ATIC: variants seen among roughly 807,000 people sequenced by gnomAD.
ATIC encodes the protein bifunctional purine biosynthesis protein ATIC.
A neutral mutation model predicts 72.5 loss-of-function variants in ATIC; 64 were observed. The observed-to-expected ratio is 0.88, with a 90% CI of 0.72 to 1.09. The LOEUF (loss-of-function observed/expected upper bound fraction) is 1.09, where lower values mean the gene tolerates loss of function less well. Among genes scored for constraint, ATIC ranks in the 50% least tolerant of loss-of-function variants. The pLI is 0.00. For synonymous variants in ATIC, 281 were observed against 267.1 expected (o/e 1.05, Z -0.51); for missense variants, 787 against 732.4 (o/e 1.07, Z -0.86).
the ATIC span, among the ~76,000 whole-genome samples, chr2:215,356,208 A>C: frequency 6.6e-6 from 1 of 152,330 alleles, no homozygotes; most frequent in African/African-American, 2.4e-5. Flanking sequence ...TGTTTCAAAA[A>C]GATGCTGATT....
chr2:215,336,261 A>T (rs2052953753), intron 11 of ATIC, 137 bp downstream of exon 11: 3 of 705,530 alleles, frequency 4.3e-6, no homozygotes, highest in African/African-American at 1.8e-5. Context: ...TCCTGCATTT[A>T]AAAAAATACT....
At chr2:215,346,326 T>A (rs1271242310) in intron 13 of ATIC, among the ~76,000 whole-genome samples, 1 of 152,132 alleles carries the variant, frequency 6.6e-6, no homozygotes, top group African/African-American at 2.4e-5. Flanking sequence ...TACCCCTAGC[T>A]ATTTTTTAAT....
chr2:215,326,075 G>T lies in ATIC; in HGVS notation c.468G>T (p.Thr156=), dbSNP rs199801475. 5.5e-5 allele frequency: 89 copies of T among 1,614,148 alleles called. No homozygotes were observed. The East Asian group carries it at 2.0e-3, about 36-fold the overall frequency. Residue 156 remains threonine, a synonymous_variant, in exon 6 of 16, where the codon ACG becomes ACT. Transcript: ENST00000236959. ...CEPEDYVVVS[T]EMQSSESKDT... ...CAGAGGACTATGTGGTGGTGTCCAC[G>T]GAGATGCAGAGCTCCGAGAGTAAGG... is the stretch of plus-strand genomic sequence containing the variant.
the ATIC span, chr2:215,361,141 T>C: frequency 5.0e-6 from 1 of 199,852 alleles, no homozygotes; most frequent in Non-Finnish European, 1.0e-5. Flanking sequence ...ATCATGCTTG[T>C]TCCTACAGTA....
At chr2:215,330,265 C>A (rs1412541549) in intron 7 of ATIC, among the ~76,000 whole-genome samples, 1 of 152,104 alleles carries the variant, frequency 6.6e-6, no homozygotes, top group Non-Finnish European at 1.5e-5. Flanking sequence ...TTCTTCTGTG[C>A]CTCTCGCATA....
chr2:215,312,670 C>A, intron 2 of ATIC, 46 bp downstream of exon 2: 1 of 1,613,836 alleles, frequency 6.2e-7, no homozygotes, highest in Non-Finnish European at 8.5e-7. Flanking sequence ...ATCACATTAA[C>A]CAGGAAGTAT....
At chr2:215,336,734 A>G (rs1021374962) in intron 11 of ATIC, among the ~76,000 whole-genome samples, 2 of 152,176 alleles carry the variant, frequency 1.3e-5, no homozygotes, top group Non-Finnish European at 2.9e-5. Flanking sequence ...ATCTTTAGCT[A>G]CTACAAATAC....
At position 215,346,794 on chromosome 2, in the gene ATIC, A is replaced by G. The variant is rs1356240955; in HGVS notation, c.1356A>G (p.Ile452Met). 5 of 1,614,058 alleles carry G rather than the reference A, an allele frequency of 3.1e-6. No homozygotes were observed. The African/African-American group carries it at 6.7e-5, about 22-fold the overall frequency. The change falls in exon 14 of 16, where the codon ATA becomes ATG. Residue 452 changes from isoleucine (I) to methionine (M), a missense_variant. Transcript: ENST00000236959. Reference protein sequence around the residue: ...IGIGAGQQSRIHCTRLAGDKA... With the variant: ...IGIGAGQQSRMHCTRLAGDKA... ...TTGGAGCAGGACAGCAGTCTCGTAT[A>G]CACTGCACTCGCCTTGCAGGAGATA... is the stretch of plus-strand genomic sequence containing the variant.
Position 215,318,234 on chromosome 2 carries a change from G to A in ATIC, c.223+1G>A, listed in dbSNP as rs753761573. On this transcript the variant is annotated splice_donor_variant, in intron 3 of 15. Transcript: ENST00000236959. LOFTEE classifies it high-confidence loss of function. ...ACTTTGCATCCTGCAGTCCATGCTG[G>A]TAAGTGGTTGGTATCTTTAATGTAA... 19 of 1,612,528 alleles carry A rather than the reference G, an allele frequency of 1.2e-5. No individual in the cohort carries two copies. The highest frequency in any genetic ancestry group is 1.6e-4 in the Middle Eastern group (1 of 6,084).
At chr2:215,339,942 AT>A (rs560028444) in intron 12 of ATIC, among the ~76,000 whole-genome samples, 4 of 151,030 alleles carry the variant, frequency 2.6e-5, no homozygotes, top group Non-Finnish European at 4.4e-5. Context: ...AGCCTTTATT[AT>A]TTTTTTTAAG....
chr2:215,317,525 G>A (rs756646227), intron 2 of ATIC, among the ~76,000 whole-genome samples: 2 of 152,024 alleles, frequency 1.3e-5, no homozygotes, highest in East Asian at 1.9e-4. Context: ...TTGCTCTGTC[G>A]CCCAGGCTGG....
the ATIC span, chr2:215,365,639 G>A: frequency 6.2e-7 from 1 of 1,613,864 alleles, no homozygotes; most frequent in South Asian, 1.1e-5. Flanking sequence ...TCCTGTAGGG[G>A]TGGGGAAAGT....
At chr2:215,318,628 C>T (rs1284341996) in intron 3 of ATIC, among the ~76,000 whole-genome samples, 4 of 152,090 alleles carry the variant, frequency 2.6e-5, no homozygotes, top group Middle Eastern at 3.4e-3. Flanking sequence ...TACATTTGTT[C>T]GTTCACCTAA....
the ATIC span, among the ~76,000 whole-genome samples, chr2:215,365,979 T>C: frequency 6.9e-6 from 1 of 143,936 alleles, no homozygotes; most frequent in South Asian, 2.2e-4. Flanking sequence ...TTTTTTTTTT[T>C]TTTTTTTTTT....
chr2:215,357,926 T>C, the ATIC span, among the ~76,000 whole-genome samples: 5 of 152,018 alleles, frequency 3.3e-5, no homozygotes, highest in African/African-American at 1.2e-4. Context: ...ACATTCCCTA[T>C]CACAGTAATG....
chr2:215,346,771 G>C lies in ATIC; in HGVS notation c.1333G>C (p.Gly445Arg). The change falls in exon 14 of 16, where the codon GGA becomes CGA. Residue 445 changes from glycine (G) to arginine (R), a missense_variant. Gly to Arg is a moderately radical substitution (Grantham distance 125, BLOSUM62 -2). Coordinates refer to ENST00000236959, the MANE Select transcript of ATIC (RefSeq NM_004044.7). ...CTGTGTTCCTCAGGTTATCGGCATT[G>C]GAGCAGGACAGCAGTCTCGTATACA... The part of the protein sequence containing the change: ...YAKNGQVIGI[G>R]AGQQSRIHCT... 5.0e-6 allele frequency: 8 copies of C among 1,614,194 alleles called. No individual in the cohort carries two copies. The highest frequency in any genetic ancestry group is 6.8e-6 in the Non-Finnish European group (8 of 1,180,026).
At chr2:215,323,851 G>C (rs1386659167) in intron 4 of ATIC, among the ~76,000 whole-genome samples, 2 of 152,186 alleles carry the variant, frequency 1.3e-5, no homozygotes, top group Non-Finnish European at 2.9e-5. Flanking sequence ...TTGGCTCACT[G>C]TGACCTCCGC....
At chr2:215,352,048 A>G (rs1200879133), downstream of ATIC, among the ~76,000 whole-genome samples, 3 of 152,230 alleles carry the variant, frequency 2.0e-5, no homozygotes, top group Non-Finnish European at 4.4e-5. Flanking sequence ...AAGCATGAGA[A>G]ACTTTCATGC....
At chr2:215,332,152 G>A (rs942747970) in intron 7 of ATIC, among the ~76,000 whole-genome samples, 6 of 151,030 alleles carry the variant, frequency 4.0e-5, no homozygotes, top group Non-Finnish European at 7.4e-5. Context: ...GTGTGTGTGT[G>A]TGTGTGTGTG....
Sources: gnomAD v4.1 joint callset for allele counts (sites outside exome capture counted in the v4.1 genomes callset) on GRCh38, gnomAD v4.1.1 for gene constraint, MANE v1.5 for transcripts, NCBI Gene and HGNC (gene_info 2026-07-23, HGNC 2026-07-21) for gene names.